Variants in CATSPERE observed in about 807,000 individuals in gnomAD.
CATSPERE encodes catsper channel auxiliary subunit epsilon.
A neutral mutation model predicts 114.1 loss-of-function variants in CATSPERE; 93 were observed. The ratio of observed to expected loss-of-function variants is 0.81; its 90% CI spans 0.69 to 0.97. CATSPERE has a LOEUF of 0.97. Among genes scored for constraint, CATSPERE ranks in the 50% least tolerant of loss-of-function variants. The pLI is 0.00. For synonymous variants in CATSPERE, 341 were observed against 384.1 expected, an observed-to-expected ratio of 0.89 and a Z score of 1.31; for missense variants, 1,058 against 1,131.6, an observed-to-expected ratio of 0.93 and a Z score of 0.93.
rs1236546740 is a variant in CATSPERE, at chr1:244,568,096, C to G, written c.1508-4234C>G. 6.6e-6 allele frequency among the ~76,000 whole-genome samples: 1 copy of G among 152,302 alleles called. No individual in the cohort carries two copies. Among genetic ancestry groups the G allele is most frequent in the South Asian group, 2.1e-4 (1 of 4,820 alleles). ...GTTAGTTTTCCTTCTAACAGTCAGG[C>G]TCCTCTCCTGCAGGTCTGCTGGAGT... On this transcript the variant is annotated intron_variant, in intron 10 of 21. Coordinates refer to ENST00000366534, the MANE Select transcript of CATSPERE (RefSeq NM_001130957.2). This position sits in a 1 kb window ranked among gnomAD's most constrained non-coding sequence, Gnocchi z 4.4.
chr1:244,487,285 C>T (rs1250815947), intron 5 of CATSPERE, among the ~76,000 whole-genome samples: 2 of 147,900 alleles, frequency 1.4e-5, no homozygotes, highest in Admixed American at 6.7e-5. Flanking sequence ...ACAGACCCTT[C>T]TAGTCACCTG....
At position 244,560,722 on chromosome 1, in the gene CATSPERE, G is replaced by T; in HGVS notation, c.1084G>T (p.Gly362Ter). ...CTGGACAGAAAATGAAATTTACCTC[G>T]GATCCATTCTTCTTAAGTTTGCCAG... ...AVWTENEIYL[G>*]SILLKFARLV... is the part of the protein sequence containing the mutation. Residue 362 changes from glycine to a stop codon, truncating the protein, a stop_gained, in exon 10 of 22, where the codon GGA (glycine) becomes TGA (stop). Coordinates refer to ENST00000366534, the MANE Select transcript of CATSPERE (RefSeq NM_001130957.2). LOFTEE classifies it high-confidence loss of function. The T allele has an allele frequency of 6.2e-7, 1 of 1,613,588 alleles. No individual in the cohort carries two copies. The highest frequency in any genetic ancestry group is 1.3e-5 in the African/African-American group (1 of 74,960).
At chr1:244,510,682 T>C (rs1675549532) in intron 7 of CATSPERE, among the ~76,000 whole-genome samples, 1 of 152,128 alleles carries the variant, frequency 6.6e-6, no homozygotes, top group Non-Finnish European at 1.5e-5. Flanking sequence ...TATCTAGAGT[T>C]CTGTCCAATG....
intron 8 of CATSPERE, among the ~76,000 whole-genome samples, chr1:244,537,726 G>T (rs1353537108): frequency 1.3e-5 from 2 of 152,104 alleles, no homozygotes; most frequent in African/African-American, 4.8e-5. Flanking sequence ...TACTTTGTAT[G>T]ATTTCTATTC....
chr1:244,629,503 CTTTTTTTTTTTT>C (rs369560104), intron 20 of CATSPERE, among the ~76,000 whole-genome samples: 2 of 82,300 alleles, frequency 2.4e-5, no homozygotes, highest in South Asian at 4.8e-4. Context: ...TCTCTCTTAC[CTTTTTTTTTTTT>C]TTTTTTTTTT....
At chr1:244,628,522 T>C (rs112419848) in intron 20 of CATSPERE, among the ~76,000 whole-genome samples, 1 of 152,052 alleles carries the variant, frequency 6.6e-6, no homozygotes, top group Non-Finnish European at 1.5e-5. Context: ...ACCCCAAATT[T>C]CAGATCTACT....
intron 17 of CATSPERE, among the ~76,000 whole-genome samples, chr1:244,596,090 T>G (rs1558563531): frequency 6.6e-6 from 1 of 152,202 alleles, no homozygotes; most frequent in Non-Finnish European, 1.5e-5. Flanking sequence ...TTCACAACCC[T>G]GTCGATCAAA....
At chr1:244,508,622 A>G (rs1675214627) in intron 7 of CATSPERE, among the ~76,000 whole-genome samples, 1 of 151,470 alleles carries the variant, frequency 6.6e-6, no homozygotes, top group South Asian at 2.1e-4. Flanking sequence ...TGTTTTTTCT[A>G]TGTTGATTTT....
chr1:244,621,315 A>ATTT (rs1558611465), intron 20 of CATSPERE, among the ~76,000 whole-genome samples: 1 of 26,332 alleles, frequency 3.8e-5, no homozygotes, highest in Non-Finnish European at 6.5e-5. Flanking sequence ...AAATATATAA[A>ATTT]ATATATATAT....
intron 5 of CATSPERE, among the ~76,000 whole-genome samples, chr1:244,481,874 A>G (rs1283858918): frequency 1.3e-5 from 2 of 152,186 alleles, no homozygotes; most frequent in Non-Finnish European, 1.5e-5. Context: ...TGTTAAAGCC[A>G]CCCAGTCTAT....
At chr1:244,470,561 C>A (rs1285931960) in intron 2 of CATSPERE, among the ~76,000 whole-genome samples, 1 of 152,170 alleles carries the variant, frequency 6.6e-6, no homozygotes, top group African/African-American at 2.4e-5. Context: ...ATATTGCTGT[C>A]AAATGTCAAA....
chr1:244,561,012 A>G lies in CATSPERE; in HGVS notation c.1374A>G (p.Leu458=), dbSNP rs781072991. Residue 458 remains leucine, a synonymous_variant, in exon 10 of 22, where the codon TTA becomes TTG. Transcript: ENST00000366534. ...PHFTFSALPG[L]LLWNKHSIYY... ...TTACATTTTCAGCACTGCCAGGATT[A>G]CTGCTATGGAACAAGCATAGTATCT... 1.2e-6 allele frequency: 2 copies of G among 1,613,440 alleles called. No individual in the cohort carries two copies. The highest frequency in any genetic ancestry group is 2.2e-5 in the East Asian group (1 of 44,870).
upstream of CATSPERE, chr1:244,461,255 GCGCGCA>G (rs768363967): frequency 1.9e-5 from 9 of 468,382 alleles, no homozygotes; most frequent in African/African-American, 4.0e-5. Flanking sequence ...CCAGGTAGCG[GCGCGCA>G]CGCGCACGCG....
intron 8 of CATSPERE, among the ~76,000 whole-genome samples, chr1:244,526,833 A>G (rs1678708714): frequency 6.6e-6 from 1 of 151,982 alleles, no homozygotes; most frequent in African/African-American, 2.4e-5. Flanking sequence ...GGGAAAGAGT[A>G]CAAAAGAGAG....
In CATSPERE at chr1:244,561,059, C is replaced by T. The variant is rs749556960; in HGVS notation, c.1421C>T (p.Thr474Ile). ...HSIYYCYHNFTFTGILQTPAG... is the reference protein window; with the variant it reads ...HSIYYCYHNFIFTGILQTPAG... ...ATCTACTATTGTTACCATAATTTCA[C>T]CTTTACTGGGATTTTACAGACACCT... The change falls in exon 10 of 22, where the codon ACC becomes ATC. Residue 474 changes from threonine (T) to isoleucine (I), a missense_variant. By Grantham distance (89) the Thr-to-Ile change is moderately conservative. Around this residue, in one of 2 missense-constraint regions of CATSPERE, gnomAD observed 787 missense variants for 905.6 expected, o/e 0.87. Coordinates refer to ENST00000366534, the MANE Select transcript of CATSPERE (RefSeq NM_001130957.2). The T allele has an allele frequency of 9.3e-6, 15 of 1,612,272 alleles. No homozygotes were observed. The highest frequency in any genetic ancestry group is 2.2e-5 in the East Asian group (1 of 44,872).
rs1671667255 is a variant in CATSPERE at position 244,489,753 on chromosome 1, AAACTTT to A, written c.327-689_327-684del. On this transcript the variant is annotated intron_variant, in intron 5 of 21. Transcript: ENST00000366534. ...CACCAATTTCTTCTCAGAAGGGAGA[AAACTTT>A]AACTGCCATCTCCACTTTACGCCTG... Among the ~76,000 whole-genome samples the A allele has an allele frequency of 2.0e-5, 3 of 152,028 alleles. 1 individual carries two copies. Among genetic ancestry groups the A allele is most frequent in the Admixed American group, 2.0e-4 (3 of 15,258 alleles).
chr1:244,599,296 T>C (rs1668856362), intron 17 of CATSPERE, among the ~76,000 whole-genome samples: 1 of 152,194 alleles, frequency 6.6e-6, no homozygotes, highest in Admixed American at 6.5e-5. Flanking sequence ...AAACGTAACC[T>C]GTCCAAAACT....
At chr1:244,471,134 A>G (rs1005817180) in intron 2 of CATSPERE, among the ~76,000 whole-genome samples, 15 of 152,344 alleles carry the variant, frequency 9.8e-5, no homozygotes, top group African/African-American at 3.1e-4. Context: ...ACCATTGTAC[A>G]CTTTAAATGA....
At chr1:244,452,821 G>A (rs769350406), upstream of CATSPERE, among the ~76,000 whole-genome samples, 22 of 152,154 alleles carry the variant, frequency 1.4e-4, no homozygotes, top group Non-Finnish European at 2.4e-4. Context: ...CTGTCTCTCA[G>A]TTACATTTGT....
Sources: gnomAD v4.1 joint callset for allele counts (sites outside exome capture counted in the v4.1 genomes callset) on GRCh38, gnomAD v4.1.1 for gene constraint, gnomAD v4.1.1 regional missense constraint, Gnocchi (gnomAD v3.1) non-coding constraint, MANE v1.5 for transcripts, NCBI Gene and HGNC (gene_info 2026-07-23, HGNC 2026-07-21) for gene names.